FRMPD4: variants seen among roughly 807,000 people sequenced by gnomAD.
FRMPD4 encodes FERM and PDZ domain containing 4.
FRMPD4 carries 22 observed loss-of-function variants against 94.1 expected under a neutral mutation model. The observed-to-expected ratio is 0.23, with a 90% confidence interval of 0.17 to 0.33. The LOEUF is 0.33. Among genes scored for constraint, FRMPD4 ranks in the 10% least tolerant of loss-of-function variants. FRMPD4 has a pLI of 1.00. For missense variants in FRMPD4, 1,111 were observed against 1,339.9 expected (o/e 0.83, Z 2.67); for synonymous variants, 631 against 548.6 (o/e 1.15, Z -2.10).
At chrX:12,498,890 C>T (rs1349695245) in intron 2 of FRMPD4, 94 bp downstream of exon 2, 1 of 463,711 alleles carries the variant, frequency 2.2e-6, no homozygotes, top group Admixed American at 3.7e-5. Context: ...ATTAGGCACT[C>T]ATAGGCATTT....
At chrX:12,113,655 C>G (rs921373735) in intron 3 of FRMPD4, among the ~76,000 whole-genome samples, 2 of 112,218 alleles carry the variant, frequency 1.8e-5, no homozygotes, top group African/African-American at 6.5e-5. Flanking sequence ...ATAAACAACC[C>G]ATCTCAAAAT....
At chrX:12,203,445 G>A (rs892959416) in intron 1 of FRMPD4, among the ~76,000 whole-genome samples, 9 of 111,627 alleles carry the variant, frequency 8.1e-5, no homozygotes, top group African/African-American at 2.3e-4. Flanking sequence ...ATGCCCAAAC[G>A]TCCGACTCCA....
intron 1 of FRMPD4, among the ~76,000 whole-genome samples, chrX:12,366,602 T>C (rs915739197): frequency 8.9e-6 from 1 of 112,161 alleles, no homozygotes; most frequent in Non-Finnish European, 1.9e-5. Flanking sequence ...ATGCAGACAC[T>C]GTGTATGAGC....
intron 1 of FRMPD4, among the ~76,000 whole-genome samples, chrX:12,314,212 G>A (rs766789946): frequency 5.3e-5 from 6 of 112,435 alleles, no homozygotes; most frequent in South Asian, 7.4e-4. Context: ...TTAAAAAGTC[G>A]TTCAGAGTGA....
intron 2 of FRMPD4, among the ~76,000 whole-genome samples, chrX:12,567,757 T>C (rs1050890846): frequency 2.7e-5 from 3 of 111,172 alleles, no homozygotes; most frequent in South Asian, 7.7e-4. Context: ...AGTGAGGTGC[T>C]ATGCAGAATG....
At chrX:12,491,843 A>C (rs2057796108) in intron 1 of FRMPD4, among the ~76,000 whole-genome samples, 1 of 111,808 alleles carries the variant, frequency 8.9e-6, no homozygotes, top group African/African-American at 3.2e-5. Flanking sequence ...ACCACCTGGC[A>C]TCATATGCTT....
chrX:11,953,315 TA>T (rs1479267696), intron 3 of FRMPD4, among the ~76,000 whole-genome samples: 1 of 111,873 alleles, frequency 8.9e-6, no homozygotes, highest in Non-Finnish European at 1.9e-5. Flanking sequence ...AACTTTTTTT[TA>T]ACCCTGCTGT....
chrX:12,250,022 TTCTCTCTCTCTC>T (rs3835008), intron 1 of FRMPD4, among the ~76,000 whole-genome samples: 40 of 97,532 alleles, frequency 4.1e-4, no homozygotes, highest in African/African-American at 1.5e-3. Flanking sequence ...AATTATGGTA[TTCTCTCTCTCTC>T]TCTCTCTCTC....
chrX:11,983,848 C>CTTGAACCTATATAGAGTTCAAGACATGT (rs2054410964), intron 3 of FRMPD4, among the ~76,000 whole-genome samples: 1 of 111,891 alleles, frequency 8.9e-6, no homozygotes, highest in Non-Finnish European at 1.9e-5. Context: ...GACATGTGCT[C>CTTGAACCTATATAGAGTTCAAGACATGT]ACTTCAGCAG....
At chrX:12,631,888 C>G (rs1445609841) in intron 4 of FRMPD4, among the ~76,000 whole-genome samples, 1 of 111,806 alleles carries the variant, frequency 8.9e-6, no homozygotes, top group African/African-American at 3.3e-5. Context: ...AATTACTATT[C>G]TGGAATTAAC....
chrX:12,694,612 C>T (rs929636606), intron 9 of FRMPD4, among the ~76,000 whole-genome samples, 158 bp downstream of exon 9: 1 of 112,053 alleles, frequency 8.9e-6, no homozygotes, highest in Non-Finnish European at 1.9e-5. Context: ...TTTATTTTTA[C>T]GTTTGATTTT....
intron 3 of FRMPD4, among the ~76,000 whole-genome samples, chrX:12,091,988 C>T (rs977926892): frequency 2.7e-5 from 3 of 111,686 alleles, no homozygotes; most frequent in African/African-American, 9.8e-5. Context: ...TGGCAGCTGG[C>T]ATCTACTGAG....
At chrX:12,316,236 T>A (rs1026238729) in intron 1 of FRMPD4, among the ~76,000 whole-genome samples, 4 of 111,472 alleles carry the variant, frequency 3.6e-5, no homozygotes, top group Admixed American at 2.9e-4. Flanking sequence ...AAACTCCACC[T>A]CCTGGGTTCA....
rs1295895311 is a variant in FRMPD4 at position 12,718,231 on chromosome X, T to C, written c.3405T>C (p.Asp1135=). The change falls in exon 16 of 17, where the codon GAT becomes GAC. Residue 1135 remains aspartate (D), a synonymous_variant. Transcript: ENST00000675598. ...AAGGGAAGGAAGAAGGAGCTCCTGA[T>C]GGAGAAACCAGTGATGGCTCAGGAC... ...EAEGKEEGAP[D]GETSDGSGLG... is the part of the protein sequence containing the mutation. 8.3e-7 allele frequency: 1 copy of C among 1,211,393 alleles called. No homozygotes were observed. The highest frequency in any genetic ancestry group is 1.1e-6 in the Non-Finnish European group (1 of 895,007).
intron 1 of FRMPD4, among the ~76,000 whole-genome samples, chrX:12,316,825 G>A (rs1415202927): frequency 9.1e-6 from 1 of 109,531 alleles, no homozygotes; most frequent in African/African-American, 3.3e-5. Flanking sequence ...CATTACAAAG[G>A]TTGGTTTAAA....
intron 3 of FRMPD4, among the ~76,000 whole-genome samples, chrX:12,023,919 T>C (rs1333693820): frequency 8.9e-6 from 1 of 111,840 alleles, no homozygotes; most frequent in African/African-American, 3.3e-5. Context: ...GTTCCTTGAA[T>C]CTTTATTGGG....
intron 2 of FRMPD4, among the ~76,000 whole-genome samples, chrX:12,547,894 G>A (rs146521088): frequency 0.023 from 2,588 of 111,744 alleles, 29 homozygotes; most frequent in Non-Finnish European, 0.03. Flanking sequence ...CTCTAAGATC[G>A]GGAGTTCTAA....
At chrX:12,058,453 A>G (rs866524357) in intron 3 of FRMPD4, among the ~76,000 whole-genome samples, 1 of 110,857 alleles carries the variant, frequency 9.0e-6, no homozygotes, top group Non-Finnish European at 1.9e-5. Flanking sequence ...CATATTTTGG[A>G]TATCGGTTTC....
intron 4 of FRMPD4, among the ~76,000 whole-genome samples, chrX:12,631,730 T>C (rs1269154816): frequency 8.9e-6 from 1 of 112,185 alleles, no homozygotes; most frequent in East Asian, 2.8e-4. Flanking sequence ...AGCCTTGACC[T>C]CATATTTTTC....
Sources: gnomAD v4.1 joint callset for allele counts (sites outside exome capture counted in the v4.1 genomes callset) on GRCh38, gnomAD v4.1.1 for gene constraint, MANE v1.5 for transcripts, NCBI Gene and HGNC (gene_info 2026-07-23, HGNC 2026-07-21) for gene names.